Variants in MAGED1 observed in about 807,000 individuals in gnomAD.
The protein encoded by MAGED1 is MAGE family member D1.
A neutral mutation model predicts 54.1 loss-of-function variants in MAGED1; 3 were observed. The ratio of observed to expected loss-of-function variants is 0.06; its 90% CI spans 0.03 to 0.14. The LOEUF is 0.14. MAGED1 is among the 10% of genes least tolerant of loss of function. The probability of loss-of-function intolerance (pLI) is 1.00; values close to 1 mark genes in which losing one functional copy is unlikely to be tolerated. For missense variants in MAGED1, 485 were observed against 623.4 expected (o/e 0.78, Z 2.36); for synonymous variants, 217 against 227.3 (o/e 0.95, Z 0.41).
chrX:51,804,121 T>C (rs1807408306), intron 1 of MAGED1, among the ~76,000 whole-genome samples: 1 of 112,473 alleles, frequency 8.9e-6, no homozygotes, highest in Admixed American at 9.4e-5. Context: ...CAATGTGAAA[T>C]GTACTTTTCT....
intron 1 of MAGED1, among the ~76,000 whole-genome samples, chrX:51,839,379 T>G (rs1295469696): frequency 8.9e-6 from 1 of 111,943 alleles, no homozygotes; most frequent in Non-Finnish European, 1.9e-5. Context: ...CCTCCTGTCC[T>G]ATGTGTACAG....
At chrX:51,844,312 C>G (rs1285158130) in intron 1 of MAGED1, among the ~76,000 whole-genome samples, 2 of 112,140 alleles carry the variant, frequency 1.8e-5, no homozygotes, top group African/African-American at 6.5e-5. Flanking sequence ...TTGTAGTAAG[C>G]AGACATTGTA....
At chrX:51,857,579 C>T (rs894550452) in intron 1 of MAGED1, 15 of 111,634 alleles carry the variant, frequency 1.3e-4, no homozygotes, top group South Asian at 3.8e-4. Flanking sequence ...AAATTTATAG[C>T]GGAGATGGAA....
In MAGED1 at chrX:51,857,733, A is replaced by G. The variant is rs782671443; in HGVS notation, c.-36-36536A>G. ...CCTTGTTCATCATCTGCAGATTCAT[A>G]GTGGACAGACACTCTGTACCTGTAA... is the stretch of plus-strand genomic sequence containing the variant. On this transcript the variant is annotated intron_variant, in intron 1 of 12. Coordinates refer to the MAGED1 transcript ENST00000375772. 8 of 112,681 alleles carry G rather than the reference A, an allele frequency of 7.1e-5. No homozygotes were observed. The East Asian group carries it at 2.2e-3, about 32-fold the overall frequency. 9.3% of individuals were successfully genotyped at this position (112,681 alleles called of 1,213,427 possible).
chrX:51,887,580 A>G (rs1452238865), intron 1 of MAGED1, among the ~76,000 whole-genome samples: 1 of 110,915 alleles, frequency 9.0e-6, no homozygotes, highest in African/African-American at 3.3e-5. Context: ...ATTCAAAGGA[A>G]GAAGGATCAC....
intron 1 of MAGED1, among the ~76,000 whole-genome samples, chrX:51,874,453 C>G (rs1253211198): frequency 9.0e-6 from 1 of 111,344 alleles, no homozygotes; most frequent in African/African-American, 3.3e-5. Context: ...GAAGAGGAAA[C>G]AGCATGAACA....
intron 1 of MAGED1, among the ~76,000 whole-genome samples, chrX:51,871,875 GT>G (rs782329248): frequency 8.9e-6 from 1 of 111,889 alleles, no homozygotes; most frequent in East Asian, 2.8e-4. Context: ...GGTTGAACTA[GT>G]TTCCAGTGCC....
Position 51,897,289 on chromosome X carries a change from C to T in MAGED1, c.1486+18C>T. 8.4e-7 allele frequency: 1 copy of T among 1,194,929 alleles called. No homozygotes were observed. The highest frequency in any genetic ancestry group is 1.1e-6 in the Non-Finnish European group (1 of 881,444). ...GCGCTCAGGTATGCATCCAGTGTCC[C>T]CTCCCCAAGCTCTGCCCTTCCCTTC... On this transcript the variant is annotated intron_variant, in intron 5 of 12. Transcript: ENST00000326587.
At chrX:51,826,310 A>G (rs1925849135) in intron 1 of MAGED1, among the ~76,000 whole-genome samples, 1 of 112,060 alleles carries the variant, frequency 8.9e-6, no homozygotes, top group Non-Finnish European at 1.9e-5. Flanking sequence ...TCATTGCTAA[A>G]GCCTAAGGTC....
At chrX:51,897,368 C>T in intron 5 of MAGED1, 97 bp downstream of exon 5, 3 of 885,864 alleles carry the variant, frequency 3.4e-6, no homozygotes, top group Non-Finnish European at 4.9e-6. Context: ...TCCCTTCACT[C>T]CATGCTCTGT....
intron 1 of MAGED1, among the ~76,000 whole-genome samples, chrX:51,830,192 A>T (rs1926009543): frequency 8.9e-6 from 1 of 111,812 alleles, no homozygotes; most frequent in Non-Finnish European, 1.9e-5. Flanking sequence ...GTTACAGAAC[A>T]ATCACATAAT....
At chrX:51,842,518 G>A (rs1291661965) in intron 1 of MAGED1, among the ~76,000 whole-genome samples, 2 of 111,456 alleles carry the variant, frequency 1.8e-5, no homozygotes, top group African/African-American at 6.5e-5. Flanking sequence ...GCAATGAGCA[G>A]AGGCCCCAAA....
At chrX:51,873,913 A>G (rs1374374455) in intron 1 of MAGED1, among the ~76,000 whole-genome samples, 1 of 111,190 alleles carries the variant, frequency 9.0e-6, no homozygotes, top group East Asian at 2.8e-4. Flanking sequence ...TTTCCCAAAA[A>G]TCCTATCCAG....
At chrX:51,864,329 A>G (rs782417755) in intron 1 of MAGED1, among the ~76,000 whole-genome samples, 1 of 111,412 alleles carries the variant, frequency 9.0e-6, no homozygotes, top group South Asian at 3.7e-4. Flanking sequence ...TTTGTCAAAG[A>G]TTAGTTGACT....
intron 11 of MAGED1, among the ~76,000 whole-genome samples, chrX:51,900,504 T>G (rs1333733978): frequency 8.9e-6 from 1 of 112,058 alleles, no homozygotes; most frequent in African/African-American, 3.2e-5. Context: ...TGAGTTTGTT[T>G]TGGGTTTTTT....
intron 1 of MAGED1, among the ~76,000 whole-genome samples, chrX:51,867,193 C>G (rs1927485902): frequency 1.8e-5 from 2 of 111,852 alleles, no homozygotes; most frequent in Admixed American, 9.5e-5. Flanking sequence ...AACCACAAGA[C>G]TCTGGGCCAA....
chrX:51,881,798 C>T (rs1008408319), intron 1 of MAGED1, among the ~76,000 whole-genome samples: 2 of 111,414 alleles, frequency 1.8e-5, no homozygotes, highest in Non-Finnish European at 3.8e-5. Flanking sequence ...ATTCCATTTA[C>T]TTCCAGCTGC....
At chrX:51,806,812 A>G (rs1376592902) in intron 1 of MAGED1, among the ~76,000 whole-genome samples, 1 of 109,288 alleles carries the variant, frequency 9.2e-6, no homozygotes, top group Non-Finnish European at 1.9e-5. Context: ...TTTTGAGACA[A>G]AGTCTTGCTC....
At chrX:51,851,032 T>C (rs921008302) in intron 1 of MAGED1, among the ~76,000 whole-genome samples, 14 of 111,494 alleles carry the variant, frequency 1.3e-4, no homozygotes, top group Non-Finnish European at 2.4e-4. Flanking sequence ...TTACTCTGCC[T>C]TCTCTTTATC....
Sources: gnomAD v4.1 joint callset for allele counts (sites outside exome capture counted in the v4.1 genomes callset) on GRCh38, gnomAD v4.1.1 for gene constraint, MANE v1.5 for transcripts, NCBI Gene and HGNC (gene_info 2026-07-23, HGNC 2026-07-21) for gene names.